FBN2: variants seen among roughly 807,000 people sequenced by gnomAD.
FBN2 encodes fibrillin 2.
FBN2 carries 105 observed loss-of-function variants against 355.6 expected under a neutral mutation model. The ratio of observed to expected loss-of-function variants is 0.30; its 90% CI spans 0.25 to 0.35. The LOEUF (loss-of-function observed/expected upper bound fraction) is 0.35, where lower values mean the gene tolerates loss of function less well. Among genes scored for constraint, FBN2 ranks in the 10% least tolerant of loss-of-function variants. The pLI is 1.00. For synonymous variants in FBN2, 1,350 were observed against 1,301.2 expected (o/e 1.04, Z -0.81); for missense variants, 3,280 against 3,758.7 (o/e 0.87, Z 3.33).
chr5:128,434,012 C>T (rs1322629559), intron 7 of FBN2, among the ~76,000 whole-genome samples: 2 of 151,928 alleles, frequency 1.3e-5, no homozygotes, highest in South Asian at 2.1e-4. Context: ...CTTTAAATAG[C>T]TGTCTTCTGG....
At chr5:128,372,550 G>A (rs1453692037) in intron 15 of FBN2, among the ~76,000 whole-genome samples, 1 of 151,990 alleles carries the variant, frequency 6.6e-6, no homozygotes, top group Non-Finnish European at 1.5e-5. Context: ...GGAGTGCAGT[G>A]GTGCAATCAT....
At chr5:128,299,778 G>A (rs546176239) in intron 48 of FBN2, among the ~76,000 whole-genome samples, 32 of 152,162 alleles carry the variant, frequency 2.1e-4, no homozygotes, top group East Asian at 5.8e-4. Flanking sequence ...GAAATCACCC[G>A]TCTTCTCCGT....
chr5:128,517,529 C>A (rs1317032691), intron 5 of FBN2, among the ~76,000 whole-genome samples: 1 of 152,094 alleles, frequency 6.6e-6, no homozygotes, highest in Non-Finnish European at 1.5e-5. Context: ...ACATTAAACT[C>A]TTATCATTTG....
At chr5:128,379,729 A>G (rs1397580086) in intron 11 of FBN2, among the ~76,000 whole-genome samples, 1 of 152,164 alleles carries the variant, frequency 6.6e-6, no homozygotes, top group African/African-American at 2.4e-5. Flanking sequence ...TGCCAGTATA[A>G]GAAGTTTAAT....
At chr5:128,397,664 T>G (rs1752683282) in intron 8 of FBN2, among the ~76,000 whole-genome samples, 1 of 152,060 alleles carries the variant, frequency 6.6e-6, no homozygotes, top group Non-Finnish European at 1.5e-5. Context: ...GGATAAAATG[T>G]GAAAAAATAT....
chr5:128,528,749 G>C (rs942338063), intron 3 of FBN2, among the ~76,000 whole-genome samples: 2 of 152,150 alleles, frequency 1.3e-5, no homozygotes. Flanking sequence ...ATGCAACAGG[G>C]AGTCATTGAA....
intron 7 of FBN2, among the ~76,000 whole-genome samples, chr5:128,419,468 G>C (rs1394742818): frequency 6.6e-6 from 1 of 152,022 alleles, no homozygotes; most frequent in East Asian, 1.9e-4. Context: ...CTATAAAGTT[G>C]AGTACGTTCC....
At chr5:128,352,717 A>G (rs922024382) in intron 20 of FBN2, among the ~76,000 whole-genome samples, 2 of 152,174 alleles carry the variant, frequency 1.3e-5, no homozygotes, top group African/African-American at 4.8e-5. Flanking sequence ...AGGAATCTGA[A>G]TTTTGACAAA....
chr5:128,420,391 G>A (rs11955183), intron 7 of FBN2, among the ~76,000 whole-genome samples: 2 of 152,108 alleles, frequency 1.3e-5, no homozygotes, highest in African/African-American at 2.4e-5. Context: ...GGGAAGGGGG[G>A]CAAATGTAAT....
In FBN2 at chr5:128,339,011, C is replaced by G; in HGVS notation, c.3394G>C (p.Val1132Leu). The change falls in exon 26 of 65, where the codon GTC becomes CTC. Residue 1132 changes from valine (V) to leucine (L), a missense_variant. This residue lies in a region of FBN2 where 2,284 missense variants were observed against 2,749.5 expected (regional missense o/e 0.83). Transcript: ENST00000262464. ...SPDLCGSGICVNTPGSFECEC... is the reference protein window; with the variant it reads ...SPDLCGSGICLNTPGSFECEC... Reference sequence around the variant, plus strand: ...CACTCAAAGCTGCCCGGTGTATTGACGCAGATTCCACTGCCACAGAGGTCA... The same window carrying G: ...CACTCAAAGCTGCCCGGTGTATTGAGGCAGATTCCACTGCCACAGAGGTCA... 1 of 1,613,918 alleles carries G rather than the reference C, an allele frequency of 6.2e-7. No individual in the cohort carries two copies. The highest frequency in any genetic ancestry group is 8.5e-7 in the Non-Finnish European group (1 of 1,179,810).
intron 4 of FBN2, among the ~76,000 whole-genome samples, chr5:128,524,179 C>G (rs1015753505): frequency 5.3e-5 from 8 of 152,112 alleles, no homozygotes; most frequent in African/African-American, 1.9e-4. Context: ...GGAGTCTGTT[C>G]CCACTACAGG....
chr5:128,424,268 T>C (rs2127020674), intron 7 of FBN2, among the ~76,000 whole-genome samples: 2 of 152,224 alleles, frequency 1.3e-5, no homozygotes, highest in East Asian at 3.9e-4. Context: ...AAAAGGTCCA[T>C]CTGGTGACAT....
intron 5 of FBN2, among the ~76,000 whole-genome samples, chr5:128,474,870 T>C (rs761099146): frequency 1.3e-5 from 2 of 152,148 alleles, no homozygotes; most frequent in Non-Finnish European, 2.9e-5. Flanking sequence ...ATTACTGGGG[T>C]TGTCGTTACT....
At chr5:128,341,364 A>G (rs1369117886) in intron 25 of FBN2, among the ~76,000 whole-genome samples, 1 of 152,098 alleles carries the variant, frequency 6.6e-6, no homozygotes, top group African/African-American at 2.4e-5. Context: ...GCAGTGAAGG[A>G]TTTGACCGTG....
At position 128,350,739 on chromosome 5, in the gene FBN2, A is replaced by G. The variant is rs539562540; in HGVS notation, c.2812+129T>C. On this transcript the variant is annotated intron_variant, in intron 21 of 64. Transcript: ENST00000262464. The stretch of plus-strand genomic sequence containing the variant: ...AGAGGTAAAAAACATTAGCCAGGAA[A>G]GATAACATTTTAGCAAAAGTAAATG... 7.6e-4 allele frequency: 805 copies of G among 1,058,680 alleles called. 1 individual carries two copies. The highest frequency in any genetic ancestry group is 1.0e-3 in the Non-Finnish European group (725 of 700,090). 65.6% of individuals were successfully genotyped at this position (1,058,680 alleles called of 1,614,324 possible).
chr5:128,463,676 C>A (rs1754619687), intron 6 of FBN2, among the ~76,000 whole-genome samples: 1 of 152,244 alleles, frequency 6.6e-6, no homozygotes, highest in African/African-American at 2.4e-5. Flanking sequence ...CGTATGTGCT[C>A]CCCAAACTGT....
rs568754279 is a variant in FBN2, at chr5:128,326,351, C to G, written c.4471+2345G>C. The stretch of plus-strand genomic sequence containing the variant: ...CTGGGCTCTATGTTGATGAACTTAG[C>G]CTTTGCTCTCTCCTCAGAAATTATA... On this transcript the variant is annotated intron_variant, in intron 34 of 64. Coordinates refer to ENST00000262464, the MANE Select transcript of FBN2 (RefSeq NM_001999.4). 2.0e-5 allele frequency among the ~76,000 whole-genome samples: 3 copies of G among 152,220 alleles called. No homozygotes were observed. The South Asian group carries it at 6.2e-4, about 32-fold the overall frequency.
chr5:128,436,676 A>AG (rs963228797), intron 7 of FBN2, among the ~76,000 whole-genome samples: 2 of 151,388 alleles, frequency 1.3e-5, no homozygotes, highest in Non-Finnish European at 2.9e-5. Context: ...TAAAAAAAAA[A>AG]AAAAAGAAAA....
chr5:128,377,996 T>C (rs1752127304), intron 12 of FBN2, 119 bp from the exon 13 acceptor site: 1 of 1,024,230 alleles, frequency 9.8e-7, no homozygotes, highest in African/African-American at 1.6e-5. Context: ...GCAAAATTTC[T>C]GTCTCTCAGC....
Sources: gnomAD v4.1 joint callset for allele counts (sites outside exome capture counted in the v4.1 genomes callset) on GRCh38, gnomAD v4.1.1 for gene constraint, gnomAD v4.1.1 regional missense constraint, MANE v1.5 for transcripts, NCBI Gene and HGNC (gene_info 2026-07-23, HGNC 2026-07-21) for gene names.